The following DOP1B variants were observed in gnomAD, a reference collection of about 807,000 sequenced individuals.
DOP1B encodes the protein protein DOP1B.
DOP1B carries 174 observed loss-of-function variants against 233.5 expected under a neutral mutation model. The observed-to-expected ratio is 0.75, with a 90% CI of 0.66 to 0.85. DOP1B has a LOEUF of 0.85. DOP1B is among the 40% of genes least tolerant of loss of function. DOP1B has a pLI of 0.00. For synonymous variants in DOP1B, 1,190 were observed against 1,185.6 expected, an observed-to-expected ratio of 1.00 and a Z score of -0.08; for missense variants, 2,652 against 2,846.6, an observed-to-expected ratio of 0.93 and a Z score of 1.56.
chr21:36,265,807 T>C (rs1485192214), intron 26 of DOP1B, among the ~76,000 whole-genome samples: 1 of 152,170 alleles, frequency 6.6e-6, no homozygotes, highest in Non-Finnish European at 1.5e-5. Flanking sequence ...AAAAACAAAG[T>C]GTGATTTTCC....
chr21:36,244,019 C>CTTTTTTTTT (rs35020490), intron 18 of DOP1B, among the ~76,000 whole-genome samples: 15 of 70,600 alleles, frequency 2.1e-4, no homozygotes, highest in African/African-American at 6.1e-4. Context: ...TTTTCCTTTC[C>CTTTTTTTTT]TTTTTTTTTT....
intron 32 of DOP1B, among the ~76,000 whole-genome samples, chr21:36,287,030 A>G (rs959271440): frequency 1.3e-5 from 2 of 152,104 alleles, no homozygotes; most frequent in South Asian, 4.1e-4. Flanking sequence ...CTTAGCTAGC[A>G]TGACTACCAT....
At chr21:36,234,760 C>G (rs1265756185) in intron 15 of DOP1B, among the ~76,000 whole-genome samples, 5 of 152,120 alleles carry the variant, frequency 3.3e-5, no homozygotes, top group Non-Finnish European at 7.4e-5. Flanking sequence ...ACGCTGGTCT[C>G]AAACTCCTGA....
At chr21:36,205,602 G>C (rs561549128) in intron 4 of DOP1B, among the ~76,000 whole-genome samples, 1 of 151,882 alleles carries the variant, frequency 6.6e-6, no homozygotes, top group Non-Finnish European at 1.5e-5. Flanking sequence ...TGGCCAGGCT[G>C]ATCTTGAACT....
At chr21:36,212,137 A>G (rs1287149729) in intron 7 of DOP1B, 40 bp downstream of exon 7, 3 of 1,520,274 alleles carry the variant, frequency 2.0e-6, no homozygotes, top group East Asian at 2.3e-5. Context: ...CAAAGTTAAT[A>G]TGAAACCTTT....
In DOP1B at chr21:36,247,582, C is replaced by T; in HGVS notation, c.4763C>T (p.Thr1588Ile). 1 of 1,609,694 alleles carries T rather than the reference C, an allele frequency of 6.2e-7. No individual in the cohort carries two copies. Among genetic ancestry groups the T allele is most frequent in the African/African-American group, 1.3e-5 (1 of 74,814 alleles). ...CTCACCCTTCTAGAAGGTCTAACGA[C>T]CATTAGTCATTTTTGTCTTTTGGAA... is the stretch of plus-strand genomic sequence containing the variant. ...YPLTLLEGLT[T>I]ISHFCLLEQA... Residue 1588 changes from threonine to isoleucine, a missense_variant, in exon 20 of 37, where the codon ACC (threonine) becomes ATC (isoleucine). Thr to Ile is a moderately conservative substitution (Grantham distance 89). This residue lies in a region of DOP1B where 2,617 missense variants were observed against 2,794.3 expected (regional missense o/e 0.94). Transcript: ENST00000691173.
chr21:36,164,628 G>A (rs2123388525), intron 1 of DOP1B, 80 bp from the exon 2 acceptor site: 1 of 1,173,000 alleles, frequency 8.5e-7, no homozygotes, highest in Non-Finnish European at 1.1e-6. Flanking sequence ...GTGGACACGT[G>A]TCTTCTGTAG....
Position 36,281,125 on chromosome 21 carries a change from G to A in DOP1B, c.6032-358G>A, listed in dbSNP as rs548008647. On this transcript the variant is annotated intron_variant, in intron 31 of 36. Transcript: ENST00000691173. ...TCAAGACCAGCCTGGGCAACATAGC[G>A]AAACCCCATCTCTACAAAAAATTAA... Among the ~76,000 whole-genome samples the A allele has an allele frequency of 9.9e-5, 15 of 152,108 alleles. No individual in the cohort carries two copies. In the South Asian group the frequency reaches 1.0e-3, roughly 11 times the overall value.
In DOP1B at chr21:36,225,598, C is replaced by T. The variant is rs139220161; in HGVS notation, c.1404C>T (p.Ser468=). ...AGCAGCGTTACAGCGTGAGGAACAGCGTCAGCCCTCCCCCCACGGTCTCGG... is the reference window on the plus strand; with the variant it reads ...AGCAGCGTTACAGCGTGAGGAACAGTGTCAGCCCTCCCCCCACGGTCTCGG... The part of the protein sequence containing the change: ...PVKQRYSVRN[S]VSPPPTVSEL... The change falls in exon 12 of 37, where the codon AGC becomes AGT. Residue 468 remains serine, a synonymous_variant. Transcript: ENST00000691173. 40 of 1,614,114 alleles carry T rather than the reference C, an allele frequency of 2.5e-5. No individual in the cohort carries two copies. Among genetic ancestry groups the T allele is most frequent in the South Asian group, 7.7e-5 (7 of 91,074 alleles).
At chr21:36,275,538 G>C (rs779808517) in intron 27 of DOP1B, among the ~76,000 whole-genome samples, 2 of 151,568 alleles carry the variant, frequency 1.3e-5, no homozygotes, top group Non-Finnish European at 2.9e-5. Flanking sequence ...AAGATCACTT[G>C]AGTCCAGGAG....
chr21:36,166,082 C>G (rs2065909092), intron 2 of DOP1B, among the ~76,000 whole-genome samples: 1 of 151,522 alleles, frequency 6.6e-6, no homozygotes, highest in South Asian at 2.1e-4. Context: ...TCTACAGTTT[C>G]ATCCTGAAAC....
chr21:36,292,020 G>T, intron 35 of DOP1B, 84 bp from the exon 36 acceptor site: 1 of 1,444,972 alleles, frequency 6.9e-7, no homozygotes. Flanking sequence ...GATACAGTAT[G>T]TGAATTATAT....
rs1029144302 is a variant in DOP1B, at chr21:36,251,973, G to T, written c.5121+689G>T. On this transcript the variant is annotated intron_variant, in intron 22 of 36. Transcript: ENST00000691173. The stretch of plus-strand genomic sequence containing the variant: ...CTCAACACTTTGGGAGGCCAAGACG[G>T]GCAGATCGCTTGAGTCTAGGAGTTT... 5.9e-5 allele frequency among the ~76,000 whole-genome samples: 9 copies of T among 152,192 alleles called. No homozygotes were observed. In the East Asian group the frequency reaches 1.5e-3, roughly 26 times the overall value.
At chr21:36,230,182 T>A (rs1894870454) in intron 13 of DOP1B, among the ~76,000 whole-genome samples, 1 of 152,114 alleles carries the variant, frequency 6.6e-6, no homozygotes, top group South Asian at 2.1e-4. Context: ...GGGTTATATA[T>A]TTAGACAAAA....
intron 35 of DOP1B, among the ~76,000 whole-genome samples, chr21:36,291,136 C>G (rs931012835): frequency 4.0e-5 from 6 of 150,844 alleles, no homozygotes; most frequent in South Asian, 4.2e-4. Flanking sequence ...TTGGTGGGCA[C>G]CTGTAATCCC....
intron 2 of DOP1B, among the ~76,000 whole-genome samples, chr21:36,175,514 G>A (rs545328912): frequency 7.2e-5 from 11 of 152,128 alleles, no homozygotes; most frequent in Non-Finnish European, 1.6e-4. Flanking sequence ...GTCTCCGGCC[G>A]GGTATGGTGG....
At chr21:36,200,548 A>T (rs1349378333) in intron 4 of DOP1B, 47 bp downstream of exon 4, 2 of 1,536,130 alleles carry the variant, frequency 1.3e-6, no homozygotes, top group Non-Finnish European at 1.7e-6. Flanking sequence ...CTGCTTTATA[A>T]GACGCGGGGA....
At position 36,238,495 on chromosome 21, in the gene DOP1B, T is replaced by C. The variant is rs990634332; in HGVS notation, c.2776-106T>C. The C allele has an allele frequency of 9.9e-6, 9 of 912,426 alleles. No homozygotes were observed. The African/African-American group carries it at 1.5e-4, about 15-fold the overall frequency. 56.5% of individuals were successfully genotyped at this position (912,426 alleles called of 1,614,324 possible). ...GCGTCTTTGCTGTGGTTGCTGTCAG[T>C]TCTGCTGAAGTCTTTGATCTATTGT... On this transcript the variant is annotated intron_variant, in intron 16 of 36. Coordinates refer to ENST00000691173, the MANE Select transcript of DOP1B (RefSeq NM_001320714.2).
At chr21:36,171,008 A>T (rs2065967640) in intron 2 of DOP1B, among the ~76,000 whole-genome samples, 2 of 152,340 alleles carry the variant, frequency 1.3e-5, no homozygotes, top group Admixed American at 1.3e-4. Flanking sequence ...GGCCGCTGAC[A>T]TTCATGGAGA....
Sources: allele counts gnomAD v4.1 joint callset (sites outside exome capture counted in the v4.1 genomes callset), GRCh38; gene constraint gnomAD v4.1.1; regional missense constraint gnomAD v4.1.1; transcripts MANE v1.5; gene names NCBI Gene and HGNC (gene_info 2026-07-23, HGNC 2026-07-21).